The following MOV10L1 variants were observed in gnomAD, a reference collection of about 807,000 sequenced individuals.
MOV10L1 encodes RNA helicase Mov10l1.
In MOV10L1, 110 loss-of-function variants were observed where a neutral mutation model predicts 143.8. The ratio of observed to expected loss-of-function variants is 0.76; its 90% CI spans 0.66 to 0.90. The LOEUF (loss-of-function observed/expected upper bound fraction) is 0.90, where lower values mean the gene tolerates loss of function less well. Ranked by LOEUF, MOV10L1 falls within the 40% of genes least tolerant of loss-of-function variation. The pLI, the probability that MOV10L1 is intolerant of heterozygous loss-of-function variation, is 0.00. For synonymous variants in MOV10L1, 593 were observed against 581.1 expected (o/e 1.02, Z -0.29); for missense variants, 1,406 against 1,526.8 (o/e 0.92, Z 1.32).
intron 19 of MOV10L1, 144 bp from the exon 20 acceptor site, chr22:50,149,471 A>T: frequency 1.5e-6 from 1 of 676,302 alleles, no homozygotes; most frequent in Non-Finnish European, 2.5e-6. Context: ...CAGCCGGGTG[A>T]CACCCAGACC....
At chr22:50,122,927 A>G (rs573758057) in intron 10 of MOV10L1, among the ~76,000 whole-genome samples, 2 of 152,064 alleles carry the variant, frequency 1.3e-5, no homozygotes, top group Admixed American at 6.5e-5. Context: ...GGGTCTTACA[A>G]TCCTCCCGCC....
chr22:50,124,119 C>T (rs1602233941), intron 10 of MOV10L1, among the ~76,000 whole-genome samples: 1 of 152,004 alleles, frequency 6.6e-6, no homozygotes, highest in African/African-American at 2.4e-5. Context: ...TTTTTCAGTT[C>T]TCTCTTTTGT....
rs1420172079 is a variant in MOV10L1, at chr22:50,152,956, C to CA, written c.2893-88dup. On this transcript the variant is annotated intron_variant, in intron 21 of 26. Coordinates refer to ENST00000262794, the MANE Select transcript of MOV10L1 (RefSeq NM_018995.3). The surrounding 1 kb of genome is among the most constrained non-coding windows in gnomAD (Gnocchi z 4.4). ...TCAGGCTTGGAAGTCAGGCAGGCCT[C>CA]ACGTTTGCTGTGCAGAGCCGCTTTT... 54 of 1,349,132 alleles carry CA rather than the reference C, an allele frequency of 4.0e-5. No homozygotes were observed. The highest frequency in any genetic ancestry group is 5.2e-5 in the Non-Finnish European group (51 of 981,018). 83.6% of individuals were successfully genotyped at this position (1,349,132 alleles called of 1,614,324 possible).
intron 10 of MOV10L1, among the ~76,000 whole-genome samples, chr22:50,122,900 T>C (rs1054934590): frequency 5.3e-5 from 8 of 151,976 alleles, no homozygotes; most frequent in African/African-American, 1.9e-4. Flanking sequence ...GGCTAACTTT[T>C]GTATATCATA....
At chr22:50,117,446 C>T (rs2062213109) in intron 9 of MOV10L1, 95 bp downstream of exon 9, 1 of 1,332,128 alleles carries the variant, frequency 7.5e-7, no homozygotes, top group East Asian at 2.4e-5. Context: ...TACCACCTGG[C>T]TGGGGAGGTA....
At chr22:50,104,334 G>T (rs2147079070) in intron 3 of MOV10L1, among the ~76,000 whole-genome samples, 1 of 152,328 alleles carries the variant, frequency 6.6e-6, no homozygotes, top group South Asian at 2.1e-4. Flanking sequence ...GCCCTGTGTG[G>T]ACTGTCCAGC....
chr22:50,090,338 G>T, intron 1 of MOV10L1, 153 bp downstream of exon 1: 2 of 1,485,440 alleles, frequency 1.3e-6, no homozygotes, highest in South Asian at 2.7e-5. Flanking sequence ...ATCCCCGTTC[G>T]CCTCAGGAGG....
At chr22:50,153,828 A>C (rs1162956222) in intron 22 of MOV10L1, among the ~76,000 whole-genome samples, 1 of 152,270 alleles carries the variant, frequency 6.6e-6, no homozygotes, top group Non-Finnish European at 1.5e-5. Context: ...CAAGTTTTGC[A>C]TTAACCCCCT....
intron 22 of MOV10L1, among the ~76,000 whole-genome samples, chr22:50,156,841 T>C (rs998904569): frequency 6.6e-6 from 1 of 152,200 alleles, no homozygotes; most frequent in Non-Finnish European, 1.5e-5. Context: ...TGTACAGATA[T>C]CTATTTGAGA....
At chr22:50,112,376 T>C (rs962835760) in intron 5 of MOV10L1, among the ~76,000 whole-genome samples, 3 of 152,196 alleles carry the variant, frequency 2.0e-5, no homozygotes, top group African/African-American at 7.2e-5. Flanking sequence ...TCAGGCTTCC[T>C]GTCTGTTCTC....
chr22:50,132,885 A>T (rs1408302035), intron 13 of MOV10L1, among the ~76,000 whole-genome samples: 1 of 152,126 alleles, frequency 6.6e-6, no homozygotes, highest in Non-Finnish European at 1.5e-5. Flanking sequence ...AAATACAAAT[A>T]ATCAGCCGGG....
intron 1 of MOV10L1, chr22:50,090,657 T>C: frequency 9.7e-7 from 1 of 1,035,888 alleles, no homozygotes; most frequent in East Asian, 2.6e-5. Context: ...GCCCTCACCG[T>C]TCCTTTCTCC....
chr22:50,153,093 C>G lies in MOV10L1; in HGVS notation c.2941C>G (p.Leu981Val), dbSNP rs780030821. The G allele has an allele frequency of 6.2e-7, 1 of 1,612,988 alleles. No homozygotes were observed. The highest frequency in any genetic ancestry group is 8.5e-7 in the Non-Finnish European group (1 of 1,179,016). Reference sequence around the variant, plus strand: ...CCGGTCCCACGAGGCCCTGCTGATGCTGCCCTCACGGCTGTTCTACCACAG... The same window carrying G: ...CCGGTCCCACGAGGCCCTGCTGATGGTGCCCTCACGGCTGTTCTACCACAG... ...NYRSHEALLM[L>V]PSRLFYHREL... The change falls in exon 22 of 27, where the codon CTG (leucine) becomes GTG (valine). Residue 981 changes from leucine to valine, a missense_variant. Around this residue, in one of 3 missense-constraint regions of MOV10L1, gnomAD observed 1,233 missense variants for 1,351.4 expected, o/e 0.91. Transcript: ENST00000262794.
At chr22:50,123,988 C>A (rs969031475) in intron 10 of MOV10L1, among the ~76,000 whole-genome samples, 1 of 152,170 alleles carries the variant, frequency 6.6e-6, no homozygotes, top group Non-Finnish European at 1.5e-5. Flanking sequence ...AATGTTCCCA[C>A]TTTCCTATCT....
rs755143713 is a variant in MOV10L1 at position 50,115,234 on chromosome 22, T to C, written c.1247T>C (p.Ile416Thr). The C allele has an allele frequency of 1.3e-6, 2 of 1,523,784 alleles. No individual in the cohort carries two copies. Among genetic ancestry groups the C allele is most frequent in the Non-Finnish European group, 1.7e-6 (2 of 1,146,212 alleles). The allele number at this position is 1,523,784 out of a possible 1,614,324, so 94.4% of individuals were successfully genotyped here. A position where few individuals can be genotyped will look rare whatever the true frequency, so the allele number is the denominator to read the frequency against. Residue 416 changes from isoleucine to threonine, a missense_variant, in exon 8 of 27, where the codon ATC becomes ACC. Physicochemically the swap from Ile to Thr is moderately conservative, Grantham distance 89. Around this residue, in one of 3 missense-constraint regions of MOV10L1, gnomAD observed 1,233 missense variants for 1,351.4 expected, o/e 0.91. Transcript: ENST00000262794. ...PPGGKTFIVVICDGKNPGRCK... is the reference protein window; with the variant it reads ...PPGGKTFIVVTCDGKNPGRCK... The stretch of plus-strand genomic sequence containing the variant: ...GGGGGAAAAACCTTCATTGTGGTCA[T>C]CTGTGACGGAAAGTAAGGGCCTGGA...
Position 50,145,813 on chromosome 22 carries a change from G to A in MOV10L1, c.2627+3G>A, listed in dbSNP as rs1443062329. The stretch of plus-strand genomic sequence containing the variant: ...CTGTTTTACCAAATAGGAGTGAGGT[G>A]AGCCCCGGGCATGGAGCGCGGCATG... On this transcript the variant is annotated splice_donor_region_variant and intron_variant, in intron 19 of 26. Transcript: ENST00000262794. 1 of 1,613,618 alleles carries A rather than the reference G, an allele frequency of 6.2e-7. No homozygotes were observed. The highest frequency in any genetic ancestry group is 1.1e-5 in the South Asian group (1 of 91,060).
In MOV10L1 at chr22:50,106,325, C is replaced by CTTTTT. The variant is rs1165257394; in HGVS notation, c.443-1792_443-1788dup. On this transcript the variant is annotated intron_variant, in intron 3 of 26. Coordinates refer to ENST00000262794, the MANE Select transcript of MOV10L1 (RefSeq NM_018995.3). ...TCATGCCACCACACCCCAACTAATTCTTTTTTTTTTTTTTTTTTTTTTTAG... is the reference window on the plus strand; with the variant it reads ...TCATGCCACCACACCCCAACTAATTCTTTTTTTTTTTTTTTTTTTTTTTTTTTTAG... 2.8e-4 allele frequency among the ~76,000 whole-genome samples: 26 copies of CTTTTT among 94,540 alleles called. 1 individual carries two copies. Among genetic ancestry groups the CTTTTT allele is most frequent in the South Asian group, 4.5e-4 (1 of 2,210 alleles). The allele number at this position is 94,540 out of a possible 152,430, so 62.0% of individuals were successfully genotyped here.
rs776794932 is a variant in MOV10L1, at chr22:50,134,075, T to C, written c.1969+10T>C. On this transcript the variant is annotated intron_variant, in intron 14 of 26. Transcript: ENST00000262794. ...CACTTAGGTGTAAAAGGTATTACTTTTATAGAATGATAGTGTTACATCTTC... is the reference window on the plus strand; with the variant it reads ...CACTTAGGTGTAAAAGGTATTACTTCTATAGAATGATAGTGTTACATCTTC... 8.7e-6 allele frequency: 14 copies of C among 1,600,210 alleles called. No homozygotes were observed. In the East Asian group the frequency reaches 3.1e-4, roughly 36 times the overall value.
intron 3 of MOV10L1, among the ~76,000 whole-genome samples, chr22:50,106,861 C>G (rs945391051): frequency 1.3e-5 from 2 of 151,572 alleles, no homozygotes; most frequent in African/African-American, 4.9e-5. Flanking sequence ...GCCACCACGC[C>G]TGGCTAATTT....
Sources: allele counts gnomAD v4.1 joint callset (sites outside exome capture counted in the v4.1 genomes callset), GRCh38; gene constraint gnomAD v4.1.1; regional missense constraint gnomAD v4.1.1; non-coding constraint Gnocchi (gnomAD v3.1); transcripts MANE v1.5; gene names NCBI Gene and HGNC (gene_info 2026-07-23, HGNC 2026-07-21).